Variants in ZNF99 observed in about 807,000 individuals in gnomAD.
The protein encoded by ZNF99 is zinc finger protein 99.
A neutral mutation model predicts 12.8 loss-of-function variants in ZNF99; 8 were observed. That is an observed-to-expected ratio of 0.62 (90% CI 0.37 to 1.13). The LOEUF is 1.13. Ranked by LOEUF, ZNF99 falls within the 50% of genes most tolerant of loss-of-function variation. The probability of loss-of-function intolerance (pLI) is 0.02; values close to 1 mark genes in which losing one functional copy is unlikely to be tolerated. For synonymous variants in ZNF99, 318 were observed against 319.0 expected, an observed-to-expected ratio of 1.00 and a Z score of 0.03; for missense variants, 1,007 against 1,006.2, an observed-to-expected ratio of 1.00 and a Z score of -0.01.
At chr19:22,776,704 G>C (rs1226033867) in intron 1 of ZNF99, among the ~76,000 whole-genome samples, 756 of 140,458 alleles carry the variant, frequency 5.4e-3, no homozygotes, top group Middle Eastern at 0.011. Context: ...ATTTGACCCG[G>C]CAACCTCATA....
rs78560081 is a variant in ZNF99 at position 22,754,366 on chromosome 19, CA to C, written c.*2947del. The C allele has an allele frequency of 0.15, 46,960 of 312,532 alleles. 467 individuals are homozygous for C. Among genetic ancestry groups the C allele is most frequent in the South Asian group, 0.18 (7,758 of 42,344 alleles). The allele number at this position is 312,532 out of a possible 1,614,324, so 19.4% of individuals were successfully genotyped here. ...TGGGCGACAGAGTGAGACTCCATTT[CA>C]AAAAAAAAAAAAAAACTTTGCCACA... On this transcript the variant is annotated 3_prime_UTR_variant, in exon 4 of 4. Coordinates refer to ENST00000596209, the MANE Select transcript of ZNF99 (RefSeq NM_001080409.3).
chr19:22,776,453 A>G (rs1332519727), intron 1 of ZNF99, among the ~76,000 whole-genome samples: 1 of 94,182 alleles, frequency 1.1e-5, no homozygotes, highest in African/African-American at 3.5e-5. Context: ...ATATATATAT[A>G]TATATATATA....
intron 1 of ZNF99, among the ~76,000 whole-genome samples, chr19:22,779,846 T>A (rs1973368496): frequency 6.6e-6 from 1 of 152,358 alleles, no homozygotes; most frequent in African/African-American, 2.4e-5. Context: ...CTTAAAGATC[T>A]TATAGTTGGT....
intron 2 of ZNF99, among the ~76,000 whole-genome samples, chr19:22,768,776 T>C (rs1973232312): frequency 6.6e-6 from 1 of 152,162 alleles, no homozygotes; most frequent in Non-Finnish European, 1.5e-5. Context: ...CTCACACCTA[T>C]AATCCCAGCA....
chr19:22,753,318 T>C lies in ZNF99; in HGVS notation c.*3996A>G, dbSNP rs1349573279. 1 of 152,232 alleles carries C rather than the reference T, an allele frequency of 6.6e-6. No individual in the cohort carries two copies. The highest frequency in any genetic ancestry group is 2.1e-4 in the South Asian group (1 of 4,820). 9.4% of individuals were successfully genotyped at this position (152,232 alleles called of 1,614,324 possible). ...TTATTTTTTTTACTCAACACTCTGA[T>C]TTAGTGTAGTCTGAAGTGCCAGTGC... is the stretch of plus-strand genomic sequence containing the variant. On this transcript the variant is annotated 3_prime_UTR_variant, in exon 4 of 4. Transcript: ENST00000596209.
At position 22,762,453 on chromosome 19, in the gene ZNF99, C is replaced by G. The variant is rs111489705; in HGVS notation, c.227-2771G>C. 8.6e-3 allele frequency among the ~76,000 whole-genome samples: 1,310 copies of G among 152,142 alleles called. 18 individuals carry two copies. The highest frequency in any genetic ancestry group is 0.03 in the African/African-American group (1,245 of 41,502). On this transcript the variant is annotated intron_variant, in intron 3 of 3. Transcript: ENST00000596209. ...CTTAAATCAGGAAGAATTAGATACCCTGAACAGACCAATAATGAGCAGCGA... is the reference window on the plus strand; with the variant it reads ...CTTAAATCAGGAAGAATTAGATACCGTGAACAGACCAATAATGAGCAGCGA...
chr19:22,775,395 A>G (rs975541989), intron 1 of ZNF99, among the ~76,000 whole-genome samples: 18 of 152,224 alleles, frequency 1.2e-4, no homozygotes, highest in Admixed American at 1.2e-3. Context: ...TACATCATAT[A>G]CAAAAATCAA....
In ZNF99 at chr19:22,757,091, T is replaced by C. The variant is rs1272309592; in HGVS notation, c.*223A>G. On this transcript the variant is annotated 3_prime_UTR_variant, in exon 4 of 4. Transcript: ENST00000596209. ...CTTATGTTTCTTAAGGGTTGAGGAA[T>C]TGTTAAAAGCTTTTCCACATTCTCC... 2.5e-6 allele frequency: 4 copies of C among 1,612,954 alleles called. No individual in the cohort carries two copies. Among genetic ancestry groups the C allele is most frequent in the Middle Eastern group, 1.7e-4 (1 of 6,044 alleles).
At chr19:22,764,547 C>A (rs1250970824) in intron 3 of ZNF99, among the ~76,000 whole-genome samples, 1 of 151,974 alleles carries the variant, frequency 6.6e-6, no homozygotes, top group Middle Eastern at 3.4e-3. Flanking sequence ...AGTGAACAGA[C>A]AACCCACAGA....
intron 3 of ZNF99, among the ~76,000 whole-genome samples, chr19:22,760,990 C>G (rs556751049): frequency 3.4e-4 from 51 of 151,016 alleles, no homozygotes; most frequent in Admixed American, 7.9e-4. Context: ...ATTTCCAGGA[C>G]AAGGCTACAT....
At chr19:22,764,526 AG>A (rs1973184125) in intron 3 of ZNF99, among the ~76,000 whole-genome samples, 1 of 152,180 alleles carries the variant, frequency 6.6e-6, no homozygotes, top group African/African-American at 2.4e-5. Flanking sequence ...GCATGGCAAA[AG>A]GAACACCAGA....
In ZNF99 at chr19:22,757,619, C is replaced by G. The variant is rs1247784770; in HGVS notation, c.2290G>C (p.Glu764Gln). 1 of 1,611,440 alleles carries G rather than the reference C, an allele frequency of 6.2e-7. No individual in the cohort carries two copies. The highest frequency in any genetic ancestry group is 8.5e-7 in the Non-Finnish European group (1 of 1,179,648). Reference sequence around the variant, plus strand: ...TGCTTAAAAGCTTTGCCACATTCTTCACATTTGCAGGGTTTCTCTGCAGTA... The same window carrying G: ...TGCTTAAAAGCTTTGCCACATTCTTGACATTTGCAGGGTTTCTCTGCAGTA... ...IHTAEKPCKC[E>Q]ECGKAFKHFS... is the part of the protein sequence containing the mutation. Residue 764 changes from glutamate to glutamine, a missense_variant, in exon 4 of 4, where the codon GAA becomes CAA. Transcript: ENST00000596209.
Position 22,757,394 on chromosome 19 carries a change from G to A in ZNF99, c.2515C>T (p.His839Tyr). The A allele has an allele frequency of 6.2e-7, 1 of 1,603,840 alleles. No homozygotes were observed. The highest frequency in any genetic ancestry group is 8.5e-7 in the Non-Finnish European group (1 of 1,177,252). ...SSKLTLHKVI[H>Y]MERNPANVKN... Reference sequence around the variant, plus strand: ...ACATTTGCAGGGTTTCTCTCCATATGAATTACCTTATGTAAAGTAAGTTTT... The same window carrying A: ...ACATTTGCAGGGTTTCTCTCCATATAAATTACCTTATGTAAAGTAAGTTTT... Residue 839 changes from histidine to tyrosine, a missense_variant, in exon 4 of 4, where the codon CAT (histidine) becomes TAT (tyrosine). His to Tyr is a moderately conservative substitution (Grantham distance 83, BLOSUM62 2). Coordinates refer to ENST00000596209, the MANE Select transcript of ZNF99 (RefSeq NM_001080409.3).
intron 1 of ZNF99, among the ~76,000 whole-genome samples, chr19:22,778,178 G>A (rs753409395): frequency 6.6e-6 from 1 of 151,728 alleles, no homozygotes; most frequent in Admixed American, 6.6e-5. Context: ...AGAAAAAGGC[G>A]GTCTGTTATT....
At chr19:22,768,736 A>G (rs918240349) in intron 2 of ZNF99, among the ~76,000 whole-genome samples, 1 of 152,140 alleles carries the variant, frequency 6.6e-6, no homozygotes, top group Non-Finnish European at 1.5e-5. Flanking sequence ...AAACATCTTT[A>G]AAAAATTCCT....
intron 1 of ZNF99, among the ~76,000 whole-genome samples, chr19:22,773,697 C>G (rs1255391080): frequency 3.3e-5 from 5 of 152,176 alleles, no homozygotes; most frequent in Non-Finnish European, 7.3e-5. Flanking sequence ...GCTCTCTACT[C>G]CCTGAGCACT....
At chr19:22,779,070 A>G (rs1186298279) in intron 1 of ZNF99, among the ~76,000 whole-genome samples, 3 of 151,934 alleles carry the variant, frequency 2.0e-5, no homozygotes, top group Non-Finnish European at 4.4e-5. Context: ...CCTGGTAAAT[A>G]GCTGTGATTA....
intron 1 of ZNF99, among the ~76,000 whole-genome samples, chr19:22,782,939 A>T (rs372124863): frequency 6.6e-6 from 1 of 151,936 alleles, no homozygotes; most frequent in East Asian, 2.0e-4. Flanking sequence ...AAGTGCTGGG[A>T]TTACAGGTGT....
intron 1 of ZNF99, among the ~76,000 whole-genome samples, chr19:22,771,643 G>A (rs1230766390): frequency 6.7e-6 from 1 of 150,300 alleles, no homozygotes; most frequent in Non-Finnish European, 1.5e-5. Context: ...TTTTCCGTAA[G>A]GACCCCAGCT....
Sources: allele counts gnomAD v4.1 joint callset (sites outside exome capture counted in the v4.1 genomes callset), GRCh38; gene constraint gnomAD v4.1.1; transcripts MANE v1.5; gene names NCBI Gene and HGNC (gene_info 2026-07-23, HGNC 2026-07-21).